CNTNAP5: variants seen among roughly 807,000 people sequenced by gnomAD.
CNTNAP5 encodes the protein contactin associated protein family member 5.
CNTNAP5 carries 72 observed loss-of-function variants against 150.2 expected under a neutral mutation model. The ratio of observed to expected loss-of-function variants is 0.48; its 90% confidence interval spans 0.40 to 0.58. The LOEUF (loss-of-function observed/expected upper bound fraction) is 0.58, where lower values mean the gene tolerates loss of function less well. Among genes scored for constraint, CNTNAP5 ranks in the 20% least tolerant of loss-of-function variants. CNTNAP5 has a pLI of 0.00. For missense variants in CNTNAP5, 1,636 were observed against 1,626.2 expected (o/e 1.01, Z -0.10); for synonymous variants, 672 against 619.8 (o/e 1.08, Z -1.25).
chr2:124,157,794 A>C (rs556060203), intron 1 of CNTNAP5, among the ~76,000 whole-genome samples: 1 of 152,088 alleles, frequency 6.6e-6, no homozygotes. Context: ...CTTCCACCCA[A>C]CTGTGTGCTC....
At chr2:124,196,435 G>A (rs1478864892) in intron 1 of CNTNAP5, among the ~76,000 whole-genome samples, 5 of 152,140 alleles carry the variant, frequency 3.3e-5, no homozygotes, top group Non-Finnish European at 5.9e-5. Flanking sequence ...TGTACACAGC[G>A]ATTACATGAG....
intron 5 of CNTNAP5, among the ~76,000 whole-genome samples, chr2:124,445,509 A>C (rs1445032878): frequency 1.3e-5 from 2 of 152,252 alleles, no homozygotes; most frequent in Non-Finnish European, 2.9e-5. Context: ...GTTGTGGAAC[A>C]AACCAATGAA....
chr2:124,090,817 A>C (rs1682796433), intron 1 of CNTNAP5, among the ~76,000 whole-genome samples: 1 of 152,230 alleles, frequency 6.6e-6, no homozygotes, highest in Non-Finnish European at 1.5e-5. Context: ...TAGAAATCTG[A>C]GACTTTGAGA....
intron 19 of CNTNAP5, among the ~76,000 whole-genome samples, chr2:124,844,297 G>A (rs1177550406): frequency 6.6e-6 from 1 of 151,920 alleles, no homozygotes; most frequent in African/African-American, 2.4e-5. Flanking sequence ...GTTTTTGTTT[G>A]CTTTGTTGAA....
At chr2:124,266,203 T>C (rs1037253572) in intron 3 of CNTNAP5, among the ~76,000 whole-genome samples, 1 of 152,278 alleles carries the variant, frequency 6.6e-6, no homozygotes, top group South Asian at 2.1e-4. Flanking sequence ...ATTACTTTTA[T>C]CTACAGACTT....
intron 11 of CNTNAP5, among the ~76,000 whole-genome samples, chr2:124,584,954 G>C (rs1696494687): frequency 6.6e-6 from 1 of 152,150 alleles, no homozygotes; most frequent in Non-Finnish European, 1.5e-5. Context: ...GTGGCTTTGG[G>C]GAAAGCTCTC....
At position 124,582,276 on chromosome 2, in the gene CNTNAP5, G is replaced by A. The variant is rs147649240; in HGVS notation, c.1756+18953G>A. Among the ~76,000 whole-genome samples the A allele has an allele frequency of 1.6e-3, 251 of 152,264 alleles. 1 individual carries two copies. Among genetic ancestry groups the A allele is most frequent in the African/African-American group, 5.8e-3 (239 of 41,550 alleles). On this transcript the variant is annotated intron_variant, in intron 11 of 23. Transcript: ENST00000682447. ...AGGCACAAAGCAGCCTCATCGGACA[G>A]TATTCAAGTGGCAGTAGTTGTTGCT...
chr2:124,791,475 G>A (rs1362217446), intron 18 of CNTNAP5, among the ~76,000 whole-genome samples: 1 of 152,142 alleles, frequency 6.6e-6, no homozygotes, highest in Non-Finnish European at 1.5e-5. Flanking sequence ...CCCCTGAGAA[G>A]TGTGAATGCT....
At position 124,556,033 on chromosome 2, in the gene CNTNAP5, T is replaced by C. The variant is rs188075507; in HGVS notation, c.1650-7184T>C. On this transcript the variant is annotated intron_variant, in intron 10 of 23. Transcript: ENST00000682447. ...TCTAAACTGACAACTCCACATTGCATAACAGTGTCTGGAATCAGTGCAAAA... is the reference window on the plus strand; with the variant it reads ...TCTAAACTGACAACTCCACATTGCACAACAGTGTCTGGAATCAGTGCAAAA... Among the ~76,000 whole-genome samples, 146 of 152,306 alleles carry C rather than the reference T, an allele frequency of 9.6e-4. 1 individual carries two copies. Among genetic ancestry groups the C allele is most frequent in the African/African-American group, 3.2e-3 (133 of 41,562 alleles).
intron 19 of CNTNAP5, among the ~76,000 whole-genome samples, chr2:124,812,643 C>T (rs1682262270): frequency 6.6e-6 from 1 of 152,136 alleles, no homozygotes; most frequent in South Asian, 2.1e-4. Context: ...ATAACTCAGA[C>T]ATTCCTTTCT....
At chr2:124,237,854 C>T (rs763467721) in intron 2 of CNTNAP5, among the ~76,000 whole-genome samples, 6 of 151,980 alleles carry the variant, frequency 3.9e-5, no homozygotes, top group Non-Finnish European at 8.8e-5. Flanking sequence ...AAAACAACAA[C>T]AGCAACAACA....
At chr2:124,267,746 A>G (rs1400332739) in intron 3 of CNTNAP5, among the ~76,000 whole-genome samples, 2 of 152,226 alleles carry the variant, frequency 1.3e-5, no homozygotes, top group Admixed American at 6.5e-5. Flanking sequence ...ATAATATAAA[A>G]TGTTCTGTAT....
chr2:124,209,243 A>G (rs1002466516), intron 1 of CNTNAP5, among the ~76,000 whole-genome samples: 2 of 152,116 alleles, frequency 1.3e-5, no homozygotes, highest in African/African-American at 4.8e-5. Context: ...TACTTGCAAA[A>G]TGAGAGGGTG....
intron 11 of CNTNAP5, among the ~76,000 whole-genome samples, chr2:124,586,416 G>C (rs990483486): frequency 1.3e-5 from 2 of 152,266 alleles, no homozygotes; most frequent in South Asian, 2.1e-4. Flanking sequence ...AGCCAGGAGC[G>C]GGTGCTGGCC....
intron 6 of CNTNAP5, among the ~76,000 whole-genome samples, chr2:124,447,198 T>C (rs1692843077): frequency 6.6e-6 from 1 of 152,110 alleles, no homozygotes; most frequent in African/African-American, 2.4e-5. Flanking sequence ...TCTCATTTTT[T>C]TTTTTCCTGC....
chr2:124,754,342 T>C (rs992437079), intron 14 of CNTNAP5, among the ~76,000 whole-genome samples: 3 of 152,186 alleles, frequency 2.0e-5, no homozygotes, highest in African/African-American at 4.8e-5. Flanking sequence ...CTACTGCTTA[T>C]TGAGTTTTGA....
At chr2:124,661,462 T>C (rs1417465277) in intron 13 of CNTNAP5, among the ~76,000 whole-genome samples, 1 of 152,134 alleles carries the variant, frequency 6.6e-6, no homozygotes, top group Non-Finnish European at 1.5e-5. Flanking sequence ...TCTTGTCCCA[T>C]TGGTAGGTTT....
At chr2:124,612,407 A>G (rs919155501) in intron 12 of CNTNAP5, among the ~76,000 whole-genome samples, 3 of 152,154 alleles carry the variant, frequency 2.0e-5, no homozygotes, top group Admixed American at 6.5e-5. Context: ...TAAGATAAAT[A>G]TAGCTTAGAA....
intron 3 of CNTNAP5, among the ~76,000 whole-genome samples, chr2:124,253,130 G>A (rs964418028): frequency 6.6e-6 from 1 of 151,698 alleles, no homozygotes; most frequent in African/African-American, 2.4e-5. Context: ...GTGACTTTAA[G>A]CAAAATGGTG....
Sources: gnomAD v4.1 joint callset for allele counts (sites outside exome capture counted in the v4.1 genomes callset) on GRCh38, gnomAD v4.1.1 for gene constraint, MANE v1.5 for transcripts, NCBI Gene and HGNC (gene_info 2026-07-23, HGNC 2026-07-21) for gene names.